TMEM178B: variants seen among roughly 807,000 people sequenced by gnomAD.
TMEM178B encodes the protein transmembrane protein 178B.
Under a neutral mutation model 31.0 loss-of-function variants are expected in TMEM178B, and 5 were observed. That is an observed-to-expected ratio of 0.16 (90% confidence interval 0.08 to 0.34). The LOEUF (loss-of-function observed/expected upper bound fraction) is 0.34, where lower values mean the gene tolerates loss of function less well. Among genes scored for constraint, TMEM178B ranks in the 10% least tolerant of loss-of-function variants. The pLI, the probability that TMEM178B is intolerant of heterozygous loss-of-function variation, is 1.00. For missense variants in TMEM178B, 275 were observed against 400.3 expected (o/e 0.69, Z 2.67); for synonymous variants, 164 against 164.0 (o/e 1.00, Z 0.00).
At chr7:141,405,354 GA>G (rs1169337893) in intron 2 of TMEM178B, among the ~76,000 whole-genome samples, 1 of 152,254 alleles carries the variant, frequency 6.6e-6, no homozygotes, top group Non-Finnish European at 1.5e-5. Flanking sequence ...TGGGCCAGAG[GA>G]GGGGACCTCA....
At chr7:141,212,546 G>A in intron 1 of TMEM178B, 45 bp from the exon 2 acceptor site, 1 of 1,472,378 alleles carries the variant, frequency 6.8e-7, no homozygotes, top group Non-Finnish European at 9.2e-7. Context: ...GTCCAGATGT[G>A]GTTGCTGCTT....
At chr7:141,183,290 G>A (rs1200220500) in intron 1 of TMEM178B, among the ~76,000 whole-genome samples, 1 of 152,150 alleles carries the variant, frequency 6.6e-6, no homozygotes, top group African/African-American at 2.4e-5. Flanking sequence ...AGCCCACCCT[G>A]TCATTAGAAT....
intron 2 of TMEM178B, among the ~76,000 whole-genome samples, chr7:141,254,159 G>A (rs1207465846): frequency 6.6e-6 from 1 of 152,200 alleles, no homozygotes; most frequent in Non-Finnish European, 1.5e-5. Context: ...TGTTTCCTAA[G>A]TGAGAAATAA....
chr7:141,240,895 G>T (rs1027863239), intron 2 of TMEM178B, among the ~76,000 whole-genome samples: 1 of 152,092 alleles, frequency 6.6e-6, no homozygotes, highest in Admixed American at 6.5e-5. Flanking sequence ...TGCTGGGAAG[G>T]TTGCACTTCT....
At chr7:141,170,873 A>T (rs1796337573) in intron 1 of TMEM178B, among the ~76,000 whole-genome samples, 1 of 152,168 alleles carries the variant, frequency 6.6e-6, no homozygotes, top group Admixed American at 6.5e-5. Context: ...CCTGTGCCTG[A>T]CCCTGAATAC....
rs1802362137 is a variant in TMEM178B at position 141,476,216 on chromosome 7, T to G, written c.*5430T>G. 6.6e-6 allele frequency: 1 copy of G among 152,184 alleles called. No individual in the cohort carries two copies. Among genetic ancestry groups the G allele is most frequent in the Non-Finnish European group, 1.5e-5 (1 of 68,006 alleles). The allele number at this position is 152,184 out of a possible 1,614,324, so 9.4% of individuals were successfully genotyped here. A position where few individuals can be genotyped will look rare whatever the true frequency, so the allele number is the denominator to read the frequency against. ...CTGGACCTGTCGCACTTAAGCACAC[T>G]TAAAGGATTCTATTCTTCATTCAGG... On this transcript the variant is annotated 3_prime_UTR_variant, in exon 4 of 4. Transcript: ENST00000565468.
chr7:141,151,449 C>T (rs1479114893), intron 1 of TMEM178B, among the ~76,000 whole-genome samples: 1 of 152,124 alleles, frequency 6.6e-6, no homozygotes, highest in Admixed American at 6.5e-5. Flanking sequence ...GAGTCTGACT[C>T]TCAAGTTTAT....
chr7:141,237,466 A>G (rs1797545600), intron 2 of TMEM178B, among the ~76,000 whole-genome samples: 1 of 152,234 alleles, frequency 6.6e-6, no homozygotes, highest in Non-Finnish European at 1.5e-5. Context: ...CATATTGAAT[A>G]CAAATTGAAA....
At chr7:141,097,732 C>T (rs1461938182) in intron 1 of TMEM178B, among the ~76,000 whole-genome samples, 2 of 151,250 alleles carry the variant, frequency 1.3e-5, no homozygotes, top group African/African-American at 4.9e-5. Flanking sequence ...TCATCATATA[C>T]TTATTTTTCT....
chr7:141,338,042 T>C (rs1238494830), intron 2 of TMEM178B, among the ~76,000 whole-genome samples: 1 of 152,164 alleles, frequency 6.6e-6, no homozygotes, highest in Non-Finnish European at 1.5e-5. Flanking sequence ...TTTCACCAGG[T>C]TAGCCAGGAT....
intron 1 of TMEM178B, among the ~76,000 whole-genome samples, chr7:141,176,543 C>T (rs1796437527): frequency 6.6e-6 from 1 of 152,160 alleles, no homozygotes; most frequent in Non-Finnish European, 1.5e-5. Flanking sequence ...GTACCAGCTC[C>T]TCTTTGTACC....
chr7:141,156,788 G>A (rs1796078001), intron 1 of TMEM178B, among the ~76,000 whole-genome samples: 1 of 152,224 alleles, frequency 6.6e-6, no homozygotes, highest in South Asian at 2.1e-4. Context: ...GATAGGGTGG[G>A]ATGGTGAAAA....
chr7:141,295,856 C>T (rs1228758207), intron 2 of TMEM178B, among the ~76,000 whole-genome samples: 1 of 152,094 alleles, frequency 6.6e-6, no homozygotes, highest in Admixed American at 6.5e-5. Flanking sequence ...CCCACATTTC[C>T]AGAAATCTGA....
chr7:141,504,644 T>C, the TMEM178B span, among the ~76,000 whole-genome samples: 2 of 152,240 alleles, frequency 1.3e-5, no homozygotes, highest in Admixed American at 1.3e-4. Flanking sequence ...AGCAAAGGGT[T>C]AGACTGAACA....
intron 2 of TMEM178B, among the ~76,000 whole-genome samples, chr7:141,403,616 G>A (rs1800827573): frequency 1.3e-5 from 2 of 152,178 alleles, no homozygotes; most frequent in South Asian, 4.1e-4. Context: ...TTGCGAAATG[G>A]GAATAATAAT....
chr7:141,156,326 T>G (rs533966808), intron 1 of TMEM178B, among the ~76,000 whole-genome samples: 18 of 152,302 alleles, frequency 1.2e-4, no homozygotes, highest in African/African-American at 4.3e-4. Context: ...ATTATAAGAA[T>G]TTTTAAATGA....
At chr7:141,078,869 C>T (rs1355738501) in intron 1 of TMEM178B, among the ~76,000 whole-genome samples, 2 of 152,104 alleles carry the variant, frequency 1.3e-5, no homozygotes, top group Non-Finnish European at 2.9e-5. Flanking sequence ...AAGGAGCAGA[C>T]CAGGAGCTGG....
At chr7:141,085,060 C>T (rs1263910998) in intron 1 of TMEM178B, among the ~76,000 whole-genome samples, 1 of 151,604 alleles carries the variant, frequency 6.6e-6, no homozygotes, top group Non-Finnish European at 1.5e-5. Flanking sequence ...TCACTGCAGT[C>T]TCTGCCTCCC....
chr7:141,160,880 G>A (rs905053580), intron 1 of TMEM178B, among the ~76,000 whole-genome samples: 4 of 151,910 alleles, frequency 2.6e-5, no homozygotes, highest in Admixed American at 6.6e-5. Context: ...TTTTTGAGAC[G>A]GAGTTTTGCT....
Sources: allele counts gnomAD v4.1 joint callset (sites outside exome capture counted in the v4.1 genomes callset), GRCh38; gene constraint gnomAD v4.1.1; transcripts MANE v1.5; gene names NCBI Gene and HGNC (gene_info 2026-07-23, HGNC 2026-07-21).